The following CALM2 variants were observed in gnomAD, a reference collection of about 807,000 sequenced individuals.
CALM2 encodes the protein calmodulin 2, also known as calmodulin-2.
CALM2 carries 2 observed loss-of-function variants against 19.8 expected under a neutral mutation model. The observed-to-expected ratio is 0.10, with a 90% CI of 0.04 to 0.32. The LOEUF is 0.32. CALM2 is among the 10% of genes least tolerant of loss of function. The pLI is 1.00. For missense variants in CALM2, 38 were observed against 178.7 expected (o/e 0.21, Z 4.49); for synonymous variants, 51 against 52.1 (o/e 0.98, Z 0.09).
chr2:47,162,861 G>T, intron 2 of CALM2, 199 bp from the exon 3 acceptor site: 1 of 480,394 alleles, frequency 2.1e-6, no homozygotes. Flanking sequence ...ACCAATGGAG[G>T]TAGCAATTGA....
chr2:47,176,611 A>AC (rs1035756364), upstream of CALM2: 52 of 1,520,430 alleles, frequency 3.4e-5, no homozygotes, highest in African/African-American at 4.8e-4. Flanking sequence ...GTCCCGGCCA[A>AC]CCCCCTCCCC....
intron 2 of CALM2, among the ~76,000 whole-genome samples, chr2:47,169,711 G>T (rs1353136612): frequency 6.6e-6 from 1 of 152,116 alleles, no homozygotes; most frequent in African/African-American, 2.4e-5. Flanking sequence ...GGTGACTAGT[G>T]TAATTCTGGT....
chr2:47,170,686 AT>A, intron 2 of CALM2, 47 bp downstream of exon 2: 2 of 1,472,798 alleles, frequency 1.4e-6, no homozygotes, highest in Non-Finnish European at 1.9e-6. Context: ...TGGCTATTCA[AT>A]TTATAATAAG....
chr2:47,166,696 C>T (rs1666485994), intron 2 of CALM2, among the ~76,000 whole-genome samples: 1 of 152,116 alleles, frequency 6.6e-6, no homozygotes, highest in South Asian at 2.1e-4. Context: ...CCTGCCTTTA[C>T]AGTTTTCCTG....
At chr2:47,161,624 T>C (rs1426251476) in intron 5 of CALM2, 99 bp downstream of exon 5, 3 of 1,098,486 alleles carry the variant, frequency 2.7e-6, no homozygotes, top group South Asian at 1.6e-5. Flanking sequence ...GCAACCTAAT[T>C]TCAGGGGAAG....
intron 1 of CALM2, chr2:47,173,776 T>C (rs185942117): frequency 6.6e-6 from 1 of 152,322 alleles, no homozygotes; most frequent in East Asian, 1.9e-4. Flanking sequence ...GATTCCTATA[T>C]GAAGTTTTTT....
chr2:47,168,926 C>T (rs900029673), intron 2 of CALM2, among the ~76,000 whole-genome samples: 7 of 152,128 alleles, frequency 4.6e-5, no homozygotes, highest in Admixed American at 2.6e-4. Context: ...TACAGGTGCA[C>T]GCCACCATGC....
Position 47,170,805 on chromosome 2 carries a change from A to T in CALM2, c.4-41T>A. Reference sequence around the variant, plus strand: ...AGAGGAAGGTTAGTGACTTGAGAGTATGTAGATTAGCAGTTACAGAAACAA... The same window carrying T: ...AGAGGAAGGTTAGTGACTTGAGAGTTTGTAGATTAGCAGTTACAGAAACAA... On this transcript the variant is annotated intron_variant, in intron 1 of 5. Transcript: ENST00000272298. 3 of 1,554,722 alleles carry T rather than the reference A, an allele frequency of 1.9e-6. No individual in the cohort carries two copies. The East Asian group carries it at 6.7e-5, about 35-fold the overall frequency.
At chr2:47,171,175 TAA>T (rs10700263) in intron 1 of CALM2, 38 of 147,084 alleles carry the variant, frequency 2.6e-4, no homozygotes, top group Middle Eastern at 3.3e-3. Context: ...TTAAAGTGAT[TAA>T]AAAAAAAAAA....
At chr2:47,176,581 T>A (rs1015955212), upstream of CALM2, 3 of 1,546,774 alleles carry the variant, frequency 1.9e-6, no homozygotes, top group Non-Finnish European at 2.6e-6. Context: ...CGCATCCAGA[T>A]AACGGAACAT....
intron 1 of CALM2, chr2:47,173,936 A>G (rs1666761519): frequency 6.6e-6 from 1 of 152,244 alleles, no homozygotes; most frequent in South Asian, 2.1e-4. Flanking sequence ...GGCTTCATAA[A>G]AATTAGGGCT....
At chr2:47,172,812 G>GGGC (rs1666718737) in intron 1 of CALM2, 1 of 8,322 alleles carries the variant, frequency 1.2e-4, no homozygotes, top group African/African-American at 2.3e-4. Context: ...TGGGTTGGGG[G>GGGC]GGGGGGGGGG....
At chr2:47,168,028 G>A (rs1192270007) in intron 2 of CALM2, among the ~76,000 whole-genome samples, 1 of 151,916 alleles carries the variant, frequency 6.6e-6, no homozygotes, top group East Asian at 1.9e-4. Context: ...TTGGAGAGTA[G>A]GCAGAAATCT....
chr2:47,174,277 CAG>C (rs1666772789), intron 1 of CALM2: 1 of 152,088 alleles, frequency 6.6e-6, no homozygotes, highest in East Asian at 1.9e-4. Context: ...TTTTGAGAGA[CAG>C]GGTCTCACTC....
chr2:47,167,744 T>C (rs1309862488), intron 2 of CALM2: 1 of 121,544 alleles, frequency 8.2e-6, no homozygotes, highest in Middle Eastern at 4.6e-3. Context: ...TAACTTCATC[T>C]ACACAAGGAT....
At chr2:47,176,559 A>G (rs1666882047), upstream of CALM2, 2 of 1,555,612 alleles carry the variant, frequency 1.3e-6, no homozygotes, top group Non-Finnish European at 1.7e-6. Context: ...TCCCTCCGCC[A>G]GATCCCTCCG....
intron 2 of CALM2, among the ~76,000 whole-genome samples, chr2:47,168,158 G>C (rs1225093738): frequency 6.6e-6 from 1 of 152,088 alleles, no homozygotes; most frequent in African/African-American, 2.4e-5. Flanking sequence ...AGAACAAAAA[G>C]GTCCCTGACC....
At chr2:47,162,195 AAAAAACAACC>A in intron 4 of CALM2, 81 bp downstream of exon 4, 1 of 512,492 alleles carries the variant, frequency 2.0e-6, no homozygotes, top group Non-Finnish European at 3.2e-6. Context: ...AAAAAAAAAA[AAAAAACAACC>A]AAAAAAACAC....
upstream of CALM2, chr2:47,176,756 T>G: frequency 2.0e-6 from 2 of 985,434 alleles, no homozygotes; most frequent in Non-Finnish European, 2.4e-6. Context: ...GAGCGGCCCC[T>G]GAGGGGCGCT....
Sources: allele counts gnomAD v4.1 joint callset (sites outside exome capture counted in the v4.1 genomes callset), GRCh38; gene constraint gnomAD v4.1.1; transcripts MANE v1.5; gene names NCBI Gene and HGNC (gene_info 2026-07-23, HGNC 2026-07-21).